ZMYM3: variants seen among roughly 807,000 people sequenced by gnomAD.
ZMYM3 encodes zinc finger MYM-type containing 3, also known as zinc finger MYM-type protein 3.
A neutral mutation model predicts 94.2 loss-of-function variants in ZMYM3; 6 were observed. The observed-to-expected ratio is 0.06, with a 90% CI of 0.03 to 0.13. ZMYM3 has a LOEUF of 0.13. Ranked by LOEUF, ZMYM3 falls within the 10% of genes least tolerant of loss-of-function variation. ZMYM3 has a pLI of 1.00. For synonymous variants in ZMYM3, 420 were observed against 426.5 expected (o/e 0.98, Z 0.19); for missense variants, 664 against 1,132.6 (o/e 0.59, Z 5.94).
At chrX:71,251,495 G>A in intron 3 of ZMYM3, 63 bp downstream of exon 3, 1 of 1,136,818 alleles carries the variant, frequency 8.8e-7, no homozygotes. Context: ...GAGGGAAAAT[G>A]AAGGGTCTGT....
chrX:71,246,591 C>G lies in ZMYM3; in HGVS notation c.2412+4G>C, dbSNP rs2272779. On this transcript the variant is annotated splice_donor_region_variant and intron_variant, in intron 14 of 24. Coordinates refer to ENST00000314425, the MANE Select transcript of ZMYM3 (RefSeq NM_201599.3). The stretch of plus-strand genomic sequence containing the variant: ...TTATCCTCCCCCTTGGCTTTTGCCC[C>G]GACCTTGCCCAAATTCCCATTTTCC... 8.3e-7 allele frequency: 1 copy of G among 1,210,231 alleles called. No homozygotes were observed. Among genetic ancestry groups the G allele is most frequent in the Non-Finnish European group, 1.1e-6 (1 of 894,789 alleles).
intron 2 of ZMYM3, among the ~76,000 whole-genome samples, chrX:71,252,126 T>C (rs919509483): frequency 9.0e-6 from 1 of 110,959 alleles, no homozygotes. Flanking sequence ...CCTGCATTTC[T>C]ATCGCTCTGC....
chrX:71,249,252 C>A, intron 7 of ZMYM3, 83 bp from the exon 8 acceptor site: 4 of 1,179,075 alleles, frequency 3.4e-6, no homozygotes, highest in Admixed American at 2.4e-5. Flanking sequence ...TGAAATATTT[C>A]AGGCATACAA....
intron 21 of ZMYM3, 111 bp from the exon 22 acceptor site, chrX:71,243,195 A>G (rs940047796): frequency 1.6e-6 from 1 of 632,123 alleles, no homozygotes; most frequent in African/African-American, 2.2e-5. Context: ...AGACGATGGG[A>G]AACAGTTGCT....
chrX:71,246,727 G>C, intron 13 of ZMYM3, 35 bp from the exon 14 acceptor site: 1 of 1,160,736 alleles, frequency 8.6e-7, no homozygotes. Context: ...TCTCATCCAA[G>C]GGACTAGCTC....
chrX:71,251,777 G>A (rs1400758772), intron 2 of ZMYM3, 176 bp from the exon 3 acceptor site: 17 of 750,189 alleles, frequency 2.3e-5, no homozygotes, highest in African/African-American at 4.7e-5. Context: ...TGTACTAAGG[G>A]TGGGGGGGTG....
chrX:71,246,626 C>A lies in ZMYM3; in HGVS notation c.2381G>T (p.Arg794Met). The change falls in exon 14 of 25, where the codon AGG becomes ATG. Residue 794 changes from arginine to methionine, a missense_variant. Around this residue, in one of 9 missense-constraint regions of ZMYM3, gnomAD observed 57 missense variants for 52.0 expected, o/e 1.10. Coordinates refer to ENST00000314425, the MANE Select transcript of ZMYM3 (RefSeq NM_201599.3). ...QTKVENSNTV[R>M]TPEENGNLGK... ...CAAATTCCCATTTTCCTCTGGGGTC[C>A]TCACTGTGTTGCTGTTCTCCACTTT... 1 of 1,211,800 alleles carries A rather than the reference C, an allele frequency of 8.3e-7. No individual in the cohort carries two copies. Among genetic ancestry groups the A allele is most frequent in the Non-Finnish European group, 1.1e-6 (1 of 895,473 alleles).
intron 12 of ZMYM3, 24 bp downstream of exon 12, chrX:71,247,710 C>T (rs748390524): frequency 6.7e-6 from 8 of 1,198,543 alleles, no homozygotes; most frequent in African/African-American, 3.5e-5. Context: ...TTTCCCGCCT[C>T]GCTCGCATGC....
Position 71,247,789 on chromosome X carries a change from G to A in ZMYM3, c.2093C>T (p.Thr698Ile). 8.3e-7 allele frequency: 1 copy of A among 1,212,000 alleles called. No individual in the cohort carries two copies. The highest frequency in any genetic ancestry group is 1.1e-6 in the Non-Finnish European group (1 of 895,553). ...ACAGTCCTCACTGCAGAAGTCCCAG[G>A]TGCTGCCATCCAGTTGCTCGGTGAC... ...RGVTEQLDGS[T>I]WDFCSEDCKS... The change falls in exon 12 of 25, where the codon ACC becomes ATC. Residue 698 changes from threonine to isoleucine, a missense_variant. Physicochemically the swap from Thr to Ile is moderately conservative, Grantham distance 89. Coordinates refer to ENST00000314425, the MANE Select transcript of ZMYM3 (RefSeq NM_201599.3).
intron 3 of ZMYM3, 40 bp from the exon 4 acceptor site, chrX:71,251,284 C>T: frequency 8.6e-7 from 1 of 1,163,223 alleles, no homozygotes; most frequent in Non-Finnish European, 1.2e-6. Context: ...AAACTGACAC[C>T]CTGGCCAGGC....
chrX:71,240,888 G>A lies in ZMYM3; in HGVS notation c.*28C>T. On this transcript the variant is annotated 3_prime_UTR_variant, in exon 25 of 25. Coordinates refer to ENST00000314425, the MANE Select transcript of ZMYM3 (RefSeq NM_201599.3). ...ATGGCCACAGGACAGACATTGATGT[G>A]AAAGATGGATATGGATGGCACACGA... 8.4e-7 allele frequency: 1 copy of A among 1,196,882 alleles called. No homozygotes were observed.
chrX:71,244,245 T>A, intron 20 of ZMYM3, 57 bp downstream of exon 20: 4 of 1,121,575 alleles, frequency 3.6e-6, no homozygotes, highest in South Asian at 2.0e-5. Flanking sequence ...CCTTCTCCCC[T>A]TTCCCCTCCT....
chrX:71,249,443 C>A lies in ZMYM3; in HGVS notation c.1470+18G>T. ...CCCCCTTCCACAGCCCTCTAATGCACTACTCCCTCGGCCCCACCTTCTTGT... is the reference window on the plus strand; with the variant it reads ...CCCCCTTCCACAGCCCTCTAATGCAATACTCCCTCGGCCCCACCTTCTTGT... On this transcript the variant is annotated intron_variant, in intron 7 of 24. Coordinates refer to ENST00000314425, the MANE Select transcript of ZMYM3 (RefSeq NM_201599.3). 8.5e-7 allele frequency: 1 copy of A among 1,175,695 alleles called. No homozygotes were observed. Among genetic ancestry groups the A allele is most frequent in the Non-Finnish European group, 1.1e-6 (1 of 876,764 alleles).
intron 7 of ZMYM3, 114 bp downstream of exon 7, chrX:71,249,347 C>T (rs2030336851): frequency 8.9e-7 from 1 of 1,127,438 alleles, no homozygotes; most frequent in South Asian, 2.2e-5. Context: ...CAATTGAAAC[C>T]CCCTTTATTT....
At chrX:71,250,774 T>C in intron 4 of ZMYM3, 48 bp from the exon 5 acceptor site, 1 of 1,102,999 alleles carries the variant, frequency 9.1e-7, no homozygotes. Flanking sequence ...AAACCAGGTC[T>C]CCAACCATCC....
Position 71,248,536 on chromosome X carries a change from G to A in ZMYM3, c.1738-12C>T. The A allele has an allele frequency of 1.7e-6, 2 of 1,208,085 alleles. No homozygotes were observed. Among genetic ancestry groups the A allele is most frequent in the Non-Finnish European group, 2.2e-6 (2 of 892,922 alleles). On this transcript the variant is annotated splice_polypyrimidine_tract_variant and intron_variant, in intron 9 of 24. Coordinates refer to ENST00000314425, the MANE Select transcript of ZMYM3 (RefSeq NM_201599.3). The stretch of plus-strand genomic sequence containing the variant: ...TCAGGGCTTGTGCGCTGGAGGGAAG[G>A]AAGACAAGTAAGGGAGGGGCAAGAT...
rs372830125 is a variant in ZMYM3 at position 71,241,361 on chromosome X, T to C, written c.3803-17A>G. 438 of 1,138,366 alleles carry C rather than the reference T, an allele frequency of 3.8e-4. No individual in the cohort carries two copies. The highest frequency in any genetic ancestry group is 4.8e-4 in the Non-Finnish European group (411 of 849,005). The allele number at this position is 1,138,366 out of a possible 1,213,427, so 93.8% of individuals were successfully genotyped here. ...GACCCGTGTCTATAGGGGAGGGAAA[T>C]GATTCAGACTCATTAAGAACACAGG... is the stretch of plus-strand genomic sequence containing the variant. On this transcript the variant is annotated splice_polypyrimidine_tract_variant and intron_variant, in intron 23 of 24. Coordinates refer to ENST00000314425, the MANE Select transcript of ZMYM3 (RefSeq NM_201599.3).
chrX:71,241,811 G>C (rs974120000), intron 23 of ZMYM3, among the ~76,000 whole-genome samples: 2 of 111,375 alleles, frequency 1.8e-5, no homozygotes, highest in Non-Finnish European at 3.8e-5. Flanking sequence ...AGGTGCAGTT[G>C]TTGTTAGACC....
intron 12 of ZMYM3, 99 bp downstream of exon 12, chrX:71,247,635 G>A: frequency 8.8e-7 from 1 of 1,137,200 alleles, no homozygotes; most frequent in Non-Finnish European, 1.2e-6. Flanking sequence ...AAGGCTGGCT[G>A]CCCTCCCTGG....
Sources: gnomAD v4.1 joint callset for allele counts (sites outside exome capture counted in the v4.1 genomes callset) on GRCh38, gnomAD v4.1.1 for gene constraint, gnomAD v4.1.1 regional missense constraint, MANE v1.5 for transcripts, NCBI Gene and HGNC (gene_info 2026-07-23, HGNC 2026-07-21) for gene names.